Variants in SUCLG2 observed in about 807,000 individuals in gnomAD.
SUCLG2 encodes succinate-CoA ligase GDP-forming subunit beta.
A neutral mutation model predicts 47.9 loss-of-function variants in SUCLG2; 42 were observed. That is an observed-to-expected ratio of 0.88 (90% CI 0.69 to 1.14). The LOEUF is 1.14. Among genes scored for constraint, SUCLG2 ranks in the 50% most tolerant of loss-of-function variants. The probability of loss-of-function intolerance (pLI) is 0.00; values close to 1 mark genes in which losing one functional copy is unlikely to be tolerated. For missense variants in SUCLG2, 571 were observed against 525.9 expected, an observed-to-expected ratio of 1.09 and a Z score of -0.84; for synonymous variants, 195 against 197.3, an observed-to-expected ratio of 0.99 and a Z score of 0.10.
chr3:67,400,861 A>G lies in SUCLG2; in HGVS notation c.1063-10T>C. 1 of 1,612,528 alleles carries G rather than the reference A, an allele frequency of 6.2e-7. No individual in the cohort carries two copies. Among genetic ancestry groups the G allele is most frequent in the South Asian group, 1.1e-5 (1 of 90,656 alleles). Reference sequence around the variant, plus strand: ...CAAGGATGGCTTCAACCTGAAATCAAAAATAAAAAGTTACCAATCAAAATG... The same window carrying G: ...CAAGGATGGCTTCAACCTGAAATCAGAAATAAAAAGTTACCAATCAAAATG... On this transcript the variant is annotated splice_polypyrimidine_tract_variant and intron_variant, in intron 9 of 10. Coordinates refer to ENST00000307227, the MANE Select transcript of SUCLG2 (RefSeq NM_003848.4).
chr3:67,469,765 C>A (rs887081780), intron 9 of SUCLG2, among the ~76,000 whole-genome samples: 1 of 147,472 alleles, frequency 6.8e-6, no homozygotes, highest in African/African-American at 2.5e-5. Flanking sequence ...AAGATTATGG[C>A]CCGGGCACGG....
intron 9 of SUCLG2, among the ~76,000 whole-genome samples, chr3:67,490,987 T>C (rs1705187095): frequency 6.6e-6 from 1 of 152,024 alleles, no homozygotes; most frequent in African/African-American, 2.4e-5. Context: ...TCCAGTGATA[T>C]TAAGTTTAAA....
chr3:67,529,278 C>A, intron 2 of SUCLG2, 92 bp from the exon 3 acceptor site: 1 of 906,906 alleles, frequency 1.1e-6, no homozygotes, highest in Admixed American at 2.5e-5. Flanking sequence ...ACATAACTTC[C>A]AAGTAACTGG....
At chr3:67,632,132 CAAAT>C (rs1387867022) in intron 1 of SUCLG2, among the ~76,000 whole-genome samples, 1 of 152,070 alleles carries the variant, frequency 6.6e-6, no homozygotes, top group Non-Finnish European at 1.5e-5. Flanking sequence ...ATATTATGTA[CAAAT>C]AAATAGACAA....
intron 2 of SUCLG2, among the ~76,000 whole-genome samples, chr3:67,559,331 G>C (rs1296862622): frequency 6.6e-6 from 1 of 152,172 alleles, no homozygotes; most frequent in Non-Finnish European, 1.5e-5. Flanking sequence ...AAAGGAAAGA[G>C]GTTTAACTGA....
rs1263243641 is a variant in SUCLG2 at position 67,384,042 on chromosome 3, G to A, written c.1184-8183C>T. On this transcript the variant is annotated intron_variant, in intron 10 of 10. Coordinates refer to ENST00000307227, the MANE Select transcript of SUCLG2 (RefSeq NM_003848.4). ...AATTTTCAAAGGTAATTTTAACAGTGTGAGACTTTTGTCGAAAATGCTGAC... is the reference window on the plus strand; with the variant it reads ...AATTTTCAAAGGTAATTTTAACAGTATGAGACTTTTGTCGAAAATGCTGAC... 2.6e-5 allele frequency among the ~76,000 whole-genome samples: 4 copies of A among 152,302 alleles called. No individual in the cohort carries two copies. In the East Asian group the frequency reaches 5.8e-4, roughly 22 times the overall value.
intron 1 of SUCLG2, among the ~76,000 whole-genome samples, chr3:67,610,812 G>T (rs1700514727): frequency 6.6e-6 from 1 of 152,178 alleles, no homozygotes. Flanking sequence ...GACATCTACT[G>T]TGTCCTTAAA....
At chr3:67,542,565 T>C (rs1706747868) in intron 2 of SUCLG2, among the ~76,000 whole-genome samples, 1 of 152,148 alleles carries the variant, frequency 6.6e-6, no homozygotes, top group Non-Finnish European at 1.5e-5. Flanking sequence ...GACCCATCAG[T>C]GTGCTGTATT....
chr3:67,632,681 C>T (rs907261120), intron 1 of SUCLG2, among the ~76,000 whole-genome samples: 12 of 152,074 alleles, frequency 7.9e-5, no homozygotes, highest in Admixed American at 2.0e-4. Context: ...ACTGTTTCAG[C>T]GTATTGCTTT....
At chr3:67,634,925 A>T (rs1204166111) in intron 1 of SUCLG2, among the ~76,000 whole-genome samples, 1 of 152,206 alleles carries the variant, frequency 6.6e-6, no homozygotes, top group Non-Finnish European at 1.5e-5. Context: ...ACTACTTAAT[A>T]GCTGTGCATT....
In SUCLG2 at chr3:67,606,094, A is replaced by G. The variant is rs1289147361; in HGVS notation, c.226+3361T>C. The stretch of plus-strand genomic sequence containing the variant: ...GTGGTGTGTGCCTGTAGTCCTACCT[A>G]CTCTGAAGGCTGAGGTGGGAGGATC... On this transcript the variant is annotated intron_variant, in intron 2 of 10. Transcript: ENST00000307227. 4.0e-5 allele frequency among the ~76,000 whole-genome samples: 6 copies of G among 151,856 alleles called. No homozygotes were observed. The East Asian group carries it at 1.2e-3, about 29-fold the overall frequency.
At chr3:67,508,737 G>T in intron 7 of SUCLG2, 70 bp downstream of exon 7, 1 of 1,185,294 alleles carries the variant, frequency 8.4e-7, no homozygotes, top group Non-Finnish European at 1.2e-6. Context: ...ACAGTCTTTT[G>T]TGCAATTTAT....
In SUCLG2 at chr3:67,612,374, A is replaced by AAAT. The variant is rs5849770; in HGVS notation, c.85-2779_85-2778insATT. On this transcript the variant is annotated intron_variant, in intron 1 of 10. Coordinates refer to ENST00000307227, the MANE Select transcript of SUCLG2 (RefSeq NM_003848.4). ...ACTCAGTCTCAAAAAACAAAAAAAAATGTGATACATCTACAGAAGTATAAT... is the reference window on the plus strand; with the variant it reads ...ACTCAGTCTCAAAAAACAAAAAAAAAAATTGTGATACATCTACAGAAGTATAAT... Among the ~76,000 whole-genome samples the AAAT allele has an allele frequency of 8.7e-4, 129 of 148,396 alleles. 5 individuals are homozygous for AAAT. Among genetic ancestry groups the AAAT allele is most frequent in the East Asian group, 9.9e-4 (5 of 5,042 alleles).
At chr3:67,430,125 A>T (rs1238654428) in intron 9 of SUCLG2, among the ~76,000 whole-genome samples, 3 of 152,218 alleles carry the variant, frequency 2.0e-5, no homozygotes, top group Non-Finnish European at 4.4e-5. Context: ...AGAATTCTGC[A>T]CCCCAAATCA....
At chr3:67,559,169 T>A (rs1707240198) in intron 2 of SUCLG2, among the ~76,000 whole-genome samples, 2 of 152,142 alleles carry the variant, frequency 1.3e-5, no homozygotes, top group Non-Finnish European at 2.9e-5. Context: ...ACAGCTAACA[T>A]ACGTGCACAA....
At chr3:67,476,463 T>C (rs1704761083) in intron 9 of SUCLG2, among the ~76,000 whole-genome samples, 1 of 152,120 alleles carries the variant, frequency 6.6e-6, no homozygotes, top group Admixed American at 6.5e-5. Context: ...TGGGACGATC[T>C]AGTAGGAAAA....
chr3:67,633,960 T>A (rs910817277), intron 1 of SUCLG2, among the ~76,000 whole-genome samples: 3 of 152,240 alleles, frequency 2.0e-5, no homozygotes, highest in Non-Finnish European at 4.4e-5. Context: ...TAATCCAGTA[T>A]AAGACTACTC....
chr3:67,499,792 C>T lies in SUCLG2; in HGVS notation c.758-1497G>A, dbSNP rs553988800. On this transcript the variant is annotated intron_variant, in intron 7 of 10. Transcript: ENST00000307227. ...TGCTGCCCAGGCTGGAGTGCAGTGG[C>T]GCAATCTCGGCTCACTATAACCTCC... 1.4e-4 allele frequency among the ~76,000 whole-genome samples: 21 copies of T among 152,074 alleles called. No individual in the cohort carries two copies. In the South Asian group the frequency reaches 3.7e-3, roughly 27 times the overall value.
At chr3:67,559,511 A>G (rs760014941) in intron 2 of SUCLG2, among the ~76,000 whole-genome samples, 1 of 152,190 alleles carries the variant, frequency 6.6e-6, no homozygotes, top group Non-Finnish European at 1.5e-5. Flanking sequence ...CATCATGAGA[A>G]CAGCATAGGG....
Sources: gnomAD v4.1 joint callset for allele counts (sites outside exome capture counted in the v4.1 genomes callset) on GRCh38, gnomAD v4.1.1 for gene constraint, MANE v1.5 for transcripts, NCBI Gene and HGNC (gene_info 2026-07-23, HGNC 2026-07-21) for gene names.